The following ACTN2 variants were observed in gnomAD, a reference collection of about 807,000 sequenced individuals.
The protein encoded by ACTN2 is actinin alpha 2.
Under a neutral mutation model 113.8 loss-of-function variants are expected in ACTN2, and 39 were observed. That is an observed-to-expected ratio of 0.34 (90% CI 0.27 to 0.45). ACTN2 has a LOEUF of 0.45. ACTN2 is among the 20% of genes least tolerant of loss of function. ACTN2 has a pLI of 1.00. For missense variants in ACTN2, 992 were observed against 1,177.9 expected, an observed-to-expected ratio of 0.84 and a Z score of 2.31; for synonymous variants, 429 against 444.1, an observed-to-expected ratio of 0.97 and a Z score of 0.43.
rs1659182236 is a variant in ACTN2 at position 236,744,908 on chromosome 1, C to T, written c.1406+132C>T. 4.2e-6 allele frequency: 5 copies of T among 1,183,500 alleles called. No homozygotes were observed. The Admixed American group carries it at 1.2e-4, about 28-fold the overall frequency. 73.3% of individuals were successfully genotyped at this position (1,183,500 alleles called of 1,614,324 possible). ...TGGAGGCACTCTGTGCAGGGATTCTCCTTGTTTCTTTAAATGTAGAAACAG... is the reference window on the plus strand; with the variant it reads ...TGGAGGCACTCTGTGCAGGGATTCTTCTTGTTTCTTTAAATGTAGAAACAG... On this transcript the variant is annotated intron_variant, in intron 12 of 20. Transcript: ENST00000366578.
At chr1:236,713,080 C>G (rs893509432) in intron 1 of ACTN2, among the ~76,000 whole-genome samples, 2 of 151,706 alleles carry the variant, frequency 1.3e-5, no homozygotes, top group Non-Finnish European at 2.9e-5. Flanking sequence ...ACTTAATTAT[C>G]CGGAAACAAC....
At chr1:236,733,952 G>T (rs34574589) in intron 7 of ACTN2, among the ~76,000 whole-genome samples, 12,843 of 152,204 alleles carry the variant, frequency 0.084, 596 homozygotes, top group Admixed American at 0.14. Context: ...CTTTTACAAG[G>T]TTGTAAAAAT....
Position 236,744,624 on chromosome 1 carries a change from A to G in ACTN2, c.1256-2A>G. The G allele has an allele frequency of 6.2e-7, 1 of 1,614,092 alleles. No homozygotes were observed. Among genetic ancestry groups the G allele is most frequent in the Non-Finnish European group, 8.5e-7 (1 of 1,179,996 alleles). ...CATACTTTCTTGCTACCACCTTTGC[A>G]GGCAAAGAGCAGATCTTGCTGCAGA... On this transcript the variant is annotated splice_acceptor_variant, in intron 11 of 20. Coordinates refer to ENST00000366578, the MANE Select transcript of ACTN2 (RefSeq NM_001103.4). LOFTEE classifies it high-confidence loss of function.
rs572946624 is a variant in ACTN2 at position 236,727,872 on chromosome 1, C to T, written c.615+116C>T. 108 of 982,728 alleles carry T rather than the reference C, an allele frequency of 1.1e-4. No homozygotes were observed. In the East Asian group the frequency reaches 2.7e-3, roughly 25 times the overall value. 60.9% of individuals were successfully genotyped at this position (982,728 alleles called of 1,614,324 possible). On this transcript the variant is annotated intron_variant, in intron 6 of 20. Transcript: ENST00000366578. Reference sequence around the variant, plus strand: ...CCCCAGGGCCACCTGCAGAAACGGCCACCAGGAAAAAGCACATTCTCCCAG... The same window carrying T: ...CCCCAGGGCCACCTGCAGAAACGGCTACCAGGAAAAAGCACATTCTCCCAG...
Position 236,717,587 on chromosome 1 carries a change from A to G in ACTN2, c.127-271A>G, listed in dbSNP as rs112687055. On this transcript the variant is annotated intron_variant, in intron 1 of 20. Coordinates refer to ENST00000366578, the MANE Select transcript of ACTN2 (RefSeq NM_001103.4). The stretch of plus-strand genomic sequence containing the variant: ...GGTTTCAAAAGGTGAAGATACAGGT[A>G]TAAATGTGGTGTCTTTTTAAATGGA... 0.01 allele frequency among the ~76,000 whole-genome samples: 1,535 copies of G among 152,342 alleles called. 30 individuals carry two copies. Among genetic ancestry groups the G allele is most frequent in the African/African-American group, 0.035 (1,443 of 41,586 alleles).
chr1:236,757,395 T>G, intron 17 of ACTN2, 91 bp from the exon 18 acceptor site: 1 of 1,532,266 alleles, frequency 6.5e-7, no homozygotes, highest in Non-Finnish European at 9.0e-7. Context: ...TAGTAAGCCC[T>G]TTGAGTCGGC....
intron 18 of ACTN2, among the ~76,000 whole-genome samples, 193 bp from the exon 19 acceptor site, chr1:236,759,531 T>G (rs1384928942): frequency 6.6e-6 from 1 of 152,198 alleles, no homozygotes; most frequent in East Asian, 1.9e-4. Context: ...TCCTCTCCCC[T>G]CTTTTTCATT....
intron 13 of ACTN2, 67 bp from the exon 14 acceptor site, chr1:236,749,057 C>G: frequency 6.4e-7 from 1 of 1,553,516 alleles, no homozygotes; most frequent in Non-Finnish European, 8.9e-7. Flanking sequence ...TTATGGAACG[C>G]CTACTTACAC....
At chr1:236,690,915 T>G (rs1366341339) in intron 1 of ACTN2, among the ~76,000 whole-genome samples, 1 of 151,198 alleles carries the variant, frequency 6.6e-6, no homozygotes, top group African/African-American at 2.4e-5. Context: ...TAGCTTCCCA[T>G]TCCCCCCTCC....
At chr1:236,703,711 C>T (rs1327778985) in intron 1 of ACTN2, among the ~76,000 whole-genome samples, 1 of 151,292 alleles carries the variant, frequency 6.6e-6, no homozygotes, top group Non-Finnish European at 1.5e-5. Flanking sequence ...TTTTAAAACG[C>T]CCTTGGAATT....
chr1:236,703,252 T>G (rs889104016), intron 1 of ACTN2, among the ~76,000 whole-genome samples: 6 of 152,230 alleles, frequency 3.9e-5, no homozygotes, highest in African/African-American at 1.4e-4. Context: ...AGCCTTAATA[T>G]GGTTACTTAC....
chr1:236,688,093 G>A (rs1444126922), intron 1 of ACTN2, among the ~76,000 whole-genome samples: 1 of 152,162 alleles, frequency 6.6e-6, no homozygotes, highest in African/African-American at 2.4e-5. Context: ...GGAAGTACGA[G>A]GCATGAGGAT....
intron 1 of ACTN2, among the ~76,000 whole-genome samples, chr1:236,697,011 C>A (rs1018873864): frequency 3.9e-5 from 6 of 152,172 alleles, no homozygotes; most frequent in Non-Finnish European, 1.5e-5. Context: ...ACAAAATAGC[C>A]AGGCTGTAAA....
chr1:236,759,281 T>G (rs944218880), intron 18 of ACTN2, among the ~76,000 whole-genome samples: 1 of 152,224 alleles, frequency 6.6e-6, no homozygotes, highest in African/African-American at 2.4e-5. Context: ...TGAAAGACAC[T>G]CTCACTCATT....
chr1:236,698,076 G>A (rs1370761816), intron 1 of ACTN2, among the ~76,000 whole-genome samples: 1 of 151,606 alleles, frequency 6.6e-6, no homozygotes, highest in African/African-American at 2.4e-5. Context: ...ACCCGACCCA[G>A]ACAAGTTATA....
chr1:236,694,187 C>A (rs1657392927), intron 1 of ACTN2, among the ~76,000 whole-genome samples: 1 of 151,734 alleles, frequency 6.6e-6, no homozygotes, highest in African/African-American at 2.4e-5. Flanking sequence ...TGGACTCACA[C>A]AGAGTCTGCA....
At chr1:236,736,713 C>A in intron 8 of ACTN2, 1 of 1,271,882 alleles carries the variant, frequency 7.9e-7, no homozygotes, top group Non-Finnish European at 1.1e-6. Context: ...CCTTGATTTC[C>A]AAAGGCTAAT....
chr1:236,688,183 G>A (rs1665942807), intron 1 of ACTN2, among the ~76,000 whole-genome samples: 1 of 151,612 alleles, frequency 6.6e-6, no homozygotes, highest in Non-Finnish European at 1.5e-5. Flanking sequence ...TTAGCAGTGA[G>A]TGTTTTTTTT....
rs763171321 is a variant in ACTN2, at chr1:236,759,674, G to A, written c.2302-50G>A. The A allele has an allele frequency of 6.0e-6, 9 of 1,496,532 alleles. No individual in the cohort carries two copies. The Admixed American group carries it at 1.5e-4, about 25-fold the overall frequency. The allele number at this position is 1,496,532 out of a possible 1,614,324, so 92.7% of individuals were successfully genotyped here. On this transcript the variant is annotated intron_variant, in intron 18 of 20. Transcript: ENST00000366578. ...TTTGTTCAGTTGGTCAAGTAGAGTTGCTCATCTTGCCCTGTGCTCACCTGC... is the reference window on the plus strand; with the variant it reads ...TTTGTTCAGTTGGTCAAGTAGAGTTACTCATCTTGCCCTGTGCTCACCTGC...
Sources: gnomAD v4.1 joint callset for allele counts (sites outside exome capture counted in the v4.1 genomes callset) on GRCh38, gnomAD v4.1.1 for gene constraint, MANE v1.5 for transcripts, NCBI Gene and HGNC (gene_info 2026-07-23, HGNC 2026-07-21) for gene names.